ACAP2: variants seen among roughly 807,000 people sequenced by gnomAD.
ACAP2 encodes ArfGAP with coiled-coil, ankyrin repeat and PH domains 2.
In ACAP2, 39 loss-of-function variants were observed where a neutral mutation model predicts 115.8. That is an observed-to-expected ratio of 0.34 (90% CI 0.26 to 0.44). The LOEUF is 0.44. Ranked by LOEUF, ACAP2 falls within the 20% of genes least tolerant of loss-of-function variation. The pLI, the probability that ACAP2 is intolerant of heterozygous loss-of-function variation, is 1.00. For missense variants in ACAP2, 662 were observed against 927.6 expected, an observed-to-expected ratio of 0.71 and a Z score of 3.72; for synonymous variants, 289 against 315.8, an observed-to-expected ratio of 0.92 and a Z score of 0.90.
At chr3:195,431,596 C>G (rs1254402853) in intron 1 of ACAP2, among the ~76,000 whole-genome samples, 1 of 147,436 alleles carries the variant, frequency 6.8e-6, no homozygotes, top group Non-Finnish European at 1.5e-5. Flanking sequence ...TGCGACCATG[C>G]CCGACTAATT....
rs1036625084 is a variant in ACAP2 at position 195,439,623 on chromosome 3, G to GT, written c.53+3171dup. On this transcript the variant is annotated intron_variant, in intron 1 of 22. Coordinates refer to ENST00000326793, the MANE Select transcript of ACAP2 (RefSeq NM_012287.6). ...AACAGAATACATTTTGGGTTTTTTT[G>GT]TTTTTTTTGTTTTTTTTGTTTTTGA... 4.9e-4 allele frequency among the ~76,000 whole-genome samples: 73 copies of GT among 148,240 alleles called. No homozygotes were observed. The East Asian group carries it at 5.0e-3, about 10-fold the overall frequency.
chr3:195,316,533 G>T (rs902783871), intron 10 of ACAP2, among the ~76,000 whole-genome samples: 1 of 152,066 alleles, frequency 6.6e-6, no homozygotes, highest in Non-Finnish European at 1.5e-5. Flanking sequence ...AAGCAGCTGG[G>T]ATTACAGGCA....
At chr3:195,438,558 AAT>A (rs1445110605) in intron 1 of ACAP2, among the ~76,000 whole-genome samples, 7 of 152,112 alleles carry the variant, frequency 4.6e-5, no homozygotes, top group African/African-American at 1.4e-4. Flanking sequence ...ATTTTATTCC[AAT>A]GTCTTTCGCC....
intron 4 of ACAP2, among the ~76,000 whole-genome samples, chr3:195,352,789 G>GT (rs1731696855): frequency 6.6e-6 from 1 of 152,092 alleles, no homozygotes; most frequent in Non-Finnish European, 1.5e-5. Context: ...CTGAGACCAG[G>GT]TTATAAAAGG....
intron 8 of ACAP2, among the ~76,000 whole-genome samples, chr3:195,328,365 AC>A (rs11362483): frequency 0.012 from 1,837 of 152,262 alleles, 33 homozygotes; most frequent in African/African-American, 0.04. Flanking sequence ...TGTTTTTTCT[AC>A]AGAAGAATAA....
intron 1 of ACAP2, among the ~76,000 whole-genome samples, chr3:195,425,777 G>A (rs7635603): frequency 7.1e-4 from 108 of 151,904 alleles, no homozygotes; most frequent in East Asian, 4.6e-3. Flanking sequence ...CCAAAAATGC[G>A]ATTTTTTTAT....
intron 10 of ACAP2, 115 bp from the exon 11 acceptor site, chr3:195,308,952 G>A: frequency 3.1e-6 from 3 of 971,724 alleles, no homozygotes; most frequent in Non-Finnish European, 3.1e-6. Flanking sequence ...TATGTTTTGA[G>A]AAGTCCACTG....
intron 1 of ACAP2, among the ~76,000 whole-genome samples, chr3:195,426,524 C>T (rs967237985): frequency 6.6e-6 from 1 of 152,110 alleles, no homozygotes. Context: ...TCTAGAGAAG[C>T]AGGGTATCAA....
At position 195,274,931 on chromosome 3, in the gene ACAP2, G is replaced by A. The variant is rs149512120; in HGVS notation, c.*4397C>T. On this transcript the variant is annotated 3_prime_UTR_variant, in exon 23 of 23. Transcript: ENST00000326793. ...CAAATCCTCTACATACTAATAAAAA[G>A]TAAATGGACTGTTGGTTATACATTC... 22 of 152,720 alleles carry A rather than the reference G, an allele frequency of 1.4e-4. No homozygotes were observed. Among genetic ancestry groups the A allele is most frequent in the African/African-American group, 5.1e-4 (21 of 41,548 alleles). 9.5% of individuals were successfully genotyped at this position (152,720 alleles called of 1,614,324 possible).
At chr3:195,416,588 T>C (rs1713750306) in intron 1 of ACAP2, among the ~76,000 whole-genome samples, 1 of 152,120 alleles carries the variant, frequency 6.6e-6, no homozygotes, top group Non-Finnish European at 1.5e-5. Context: ...AGCTCTCACA[T>C]GTGCACAAAG....
chr3:195,430,342 T>G lies in ACAP2; in HGVS notation c.53+12453A>C, dbSNP rs551374082. Among the ~76,000 whole-genome samples the G allele has an allele frequency of 1.3e-4, 20 of 152,308 alleles. 1 individual carries two copies. The highest frequency in any genetic ancestry group is 1.2e-3 in the Admixed American group (19 of 15,292). On this transcript the variant is annotated intron_variant, in intron 1 of 22. Transcript: ENST00000326793. ...ATAATGGTGTGTAGTTACATAATTT[T>G]TTTAAAGTGTATATATTTTCAGAGA...
chr3:195,356,230 C>T lies in ACAP2; in HGVS notation c.286-10913G>A, dbSNP rs184650655. ...GCAACTGTGGGACTACAAGCCGGAA[C>T]GCAGTGCTGCCAATCCCGGCAGAAC... is the stretch of plus-strand genomic sequence containing the variant. On this transcript the variant is annotated intron_variant, in intron 4 of 22. Coordinates refer to ENST00000326793, the MANE Select transcript of ACAP2 (RefSeq NM_012287.6). 3.1e-5 allele frequency: 14 copies of T among 456,050 alleles called. 1 individual carries two copies. The highest frequency in any genetic ancestry group is 4.0e-5 in the African/African-American group (2 of 50,196). 28.3% of individuals were successfully genotyped at this position (456,050 alleles called of 1,614,324 possible). A position where few individuals can be genotyped will look rare whatever the true frequency, so the allele number is the denominator to read the frequency against.
intron 1 of ACAP2, among the ~76,000 whole-genome samples, chr3:195,439,633 T>C (rs560850831): frequency 6.6e-6 from 1 of 151,608 alleles, no homozygotes; most frequent in East Asian, 1.9e-4. Context: ...GTTTTTTTTG[T>C]TTTTTTTGTT....
intron 10 of ACAP2, among the ~76,000 whole-genome samples, chr3:195,312,475 A>G (rs2109003867): frequency 6.6e-6 from 1 of 151,766 alleles, no homozygotes; most frequent in East Asian, 1.9e-4. Flanking sequence ...CATATATGTA[A>G]TTTTTTTTAG....
Position 195,386,272 on chromosome 3 carries a change from C to A in ACAP2, c.112-4250G>T, listed in dbSNP as rs1734295974. On this transcript the variant is annotated intron_variant, in intron 2 of 22. Coordinates refer to ENST00000326793, the MANE Select transcript of ACAP2 (RefSeq NM_012287.6). ...GTGACTGCTAATAGATACAGGGTTT[C>A]TTTTTGGGGTGAAAAATATTTTGGA... Among the ~76,000 whole-genome samples, 6 of 152,162 alleles carry A rather than the reference C, an allele frequency of 3.9e-5. No individual in the cohort carries two copies. In the South Asian group the frequency reaches 1.2e-3, roughly 32 times the overall value.
At position 195,276,229 on chromosome 3, in the gene ACAP2, T is replaced by C. The variant is rs942761613; in HGVS notation, c.*3099A>G. 6.6e-6 allele frequency: 1 copy of C among 152,324 alleles called. No homozygotes were observed. Among genetic ancestry groups the C allele is most frequent in the East Asian group, 1.9e-4 (1 of 5,200 alleles). The allele number at this position is 152,324 out of a possible 1,614,324, so 9.4% of individuals were successfully genotyped here. A position where few individuals can be genotyped will look rare whatever the true frequency, so the allele number is the denominator to read the frequency against. ...TGCACTCATGAAGAACCAAAGTTCA[T>C]ATTCCAAATTAAATCTGTATGTCTG... On this transcript the variant is annotated 3_prime_UTR_variant, in exon 23 of 23. Coordinates refer to ENST00000326793, the MANE Select transcript of ACAP2 (RefSeq NM_012287.6).
chr3:195,307,419 T>A, intron 11 of ACAP2, 96 bp from the exon 12 acceptor site: 1 of 725,612 alleles, frequency 1.4e-6, no homozygotes, highest in Non-Finnish European at 2.3e-6. Flanking sequence ...ATAACTGGTC[T>A]AATTTTCAAG....
At chr3:195,409,760 C>T (rs1713095763) in intron 1 of ACAP2, among the ~76,000 whole-genome samples, 2 of 151,394 alleles carry the variant, frequency 1.3e-5, no homozygotes, top group East Asian at 1.9e-4. Context: ...CCTATAATCC[C>T]AGCTACTCGG....
intron 10 of ACAP2, among the ~76,000 whole-genome samples, chr3:195,317,054 C>T (rs529249183): frequency 8.6e-5 from 13 of 151,434 alleles, no homozygotes; most frequent in South Asian, 2.1e-4. Context: ...TACACCACCA[C>T]GCCAGGCTAA....
Sources: gnomAD v4.1 joint callset for allele counts (sites outside exome capture counted in the v4.1 genomes callset) on GRCh38, gnomAD v4.1.1 for gene constraint, MANE v1.5 for transcripts, NCBI Gene and HGNC (gene_info 2026-07-23, HGNC 2026-07-21) for gene names.